KCTD16: variants seen among roughly 807,000 people sequenced by gnomAD.
KCTD16 encodes BTB/POZ domain-containing protein KCTD16.
Under a neutral mutation model 33.2 loss-of-function variants are expected in KCTD16, and 13 were observed. The observed-to-expected ratio is 0.39, with a 90% CI of 0.25 to 0.62. KCTD16 has a LOEUF of 0.62. Among genes scored for constraint, KCTD16 ranks in the 20% least tolerant of loss-of-function variants. The probability of loss-of-function intolerance (pLI) is 0.50; values close to 1 mark genes in which losing one functional copy is unlikely to be tolerated. For missense variants in KCTD16, 441 were observed against 525.1 expected (o/e 0.84, Z 1.57); for synonymous variants, 197 against 195.3 (o/e 1.01, Z -0.07).
chr5:144,392,672 C>G (rs1197530457), intron 3 of KCTD16, among the ~76,000 whole-genome samples: 1 of 152,150 alleles, frequency 6.6e-6, no homozygotes, highest in Non-Finnish European at 1.5e-5. Context: ...AATCCCTCAG[C>G]TCCTTTTAAG....
At chr5:144,342,724 A>T (rs1752679504) in intron 3 of KCTD16, among the ~76,000 whole-genome samples, 1 of 152,160 alleles carries the variant, frequency 6.6e-6, no homozygotes, top group African/African-American at 2.4e-5. Context: ...TTTGTCATAA[A>T]TAGCTCTTAT....
At chr5:144,386,933 T>C (rs934347781) in intron 3 of KCTD16, among the ~76,000 whole-genome samples, 1 of 152,074 alleles carries the variant, frequency 6.6e-6, no homozygotes, top group African/African-American at 2.4e-5. Context: ...CTCACCCAAC[T>C]AAAATAGCTT....
intron 2 of KCTD16, among the ~76,000 whole-genome samples, chr5:144,199,864 A>T (rs1282463157): frequency 1.3e-5 from 2 of 151,806 alleles, no homozygotes; most frequent in Non-Finnish European, 2.9e-5. Context: ...ACAAGTGCGT[A>T]CCATCACACC....
At chr5:144,448,859 A>G (rs1753880125) in intron 3 of KCTD16, among the ~76,000 whole-genome samples, 2 of 152,040 alleles carry the variant, frequency 1.3e-5, no homozygotes, top group Admixed American at 1.3e-4. Flanking sequence ...ATAGATAGCA[A>G]GTAATTCATC....
intron 2 of KCTD16, among the ~76,000 whole-genome samples, chr5:144,178,970 G>A (rs2126772199): frequency 1.3e-5 from 2 of 152,228 alleles, no homozygotes; most frequent in Middle Eastern, 6.8e-3. Context: ...AGGACAGCAC[G>A]TGCATCAGAA....
intron 3 of KCTD16, among the ~76,000 whole-genome samples, chr5:144,222,752 G>C (rs1753800665): frequency 6.6e-6 from 1 of 152,156 alleles, no homozygotes; most frequent in South Asian, 2.1e-4. Context: ...CAAATATCCA[G>C]AACTAGAAAT....
At chr5:144,189,495 CAAAA>C (rs5871868) in intron 2 of KCTD16, among the ~76,000 whole-genome samples, 2 of 120,568 alleles carry the variant, frequency 1.7e-5, no homozygotes, top group African/African-American at 2.9e-5. Context: ...GACTCCATCT[CAAAA>C]AAAAAAAAAA....
chr5:144,204,148 G>C (rs1165568412), intron 2 of KCTD16, among the ~76,000 whole-genome samples: 1 of 152,196 alleles, frequency 6.6e-6, no homozygotes, highest in African/African-American at 2.4e-5. Context: ...TCCTACTGTT[G>C]AGCGTATCTT....
At chr5:144,253,160 C>T (rs1345798045) in intron 3 of KCTD16, among the ~76,000 whole-genome samples, 1 of 152,098 alleles carries the variant, frequency 6.6e-6, no homozygotes, top group Non-Finnish European at 1.5e-5. Context: ...TATTTATCCC[C>T]AGGCCAACAT....
At chr5:144,297,457 G>T (rs1756072310) in intron 3 of KCTD16, among the ~76,000 whole-genome samples, 2 of 152,202 alleles carry the variant, frequency 1.3e-5, no homozygotes, top group South Asian at 4.1e-4. Flanking sequence ...ATAGTCCCAA[G>T]TTGGCTACAG....
rs961090215 is a variant in KCTD16, at chr5:144,437,052, C to T, written c.833-36608C>T. On this transcript the variant is annotated intron_variant, in intron 3 of 3. Coordinates refer to ENST00000512467, the MANE Select transcript of KCTD16 (RefSeq NM_020768.4). ...TTACTGAAAGGACATCAGGACTTCA[C>T]AGAAAACCAGGAAACTGTAGATTCG... Among the ~76,000 whole-genome samples the T allele has an allele frequency of 2.6e-5, 4 of 152,252 alleles. No individual in the cohort carries two copies. In the South Asian group the frequency reaches 6.2e-4, roughly 24 times the overall value.
At chr5:144,422,384 C>T (rs550717179) in intron 3 of KCTD16, among the ~76,000 whole-genome samples, 1 of 152,280 alleles carries the variant, frequency 6.6e-6, no homozygotes, top group East Asian at 1.9e-4. Flanking sequence ...AGAACATCCA[C>T]ATTTTAAAAA....
intron 3 of KCTD16, among the ~76,000 whole-genome samples, chr5:144,410,176 G>A (rs905487179): frequency 6.6e-6 from 1 of 152,192 alleles, no homozygotes; most frequent in African/African-American, 2.4e-5. Context: ...TGCTGTGCAT[G>A]GGCTCTGGCA....
At chr5:144,407,195 AT>A (rs941272869) in intron 3 of KCTD16, among the ~76,000 whole-genome samples, 4 of 113,080 alleles carry the variant, frequency 3.5e-5, no homozygotes, top group African/African-American at 1.5e-4. Flanking sequence ...TTTTAAAAAA[AT>A]TCCTGTTTTT....
intron 3 of KCTD16, among the ~76,000 whole-genome samples, chr5:144,461,503 T>C (rs932556983): frequency 3.3e-5 from 5 of 152,228 alleles, no homozygotes; most frequent in African/African-American, 1.2e-4. Flanking sequence ...ATCTGGCTTC[T>C]TCTTTCCATT....
chr5:144,461,327 A>T (rs768072402), intron 3 of KCTD16, among the ~76,000 whole-genome samples: 2 of 151,940 alleles, frequency 1.3e-5, no homozygotes, highest in Admixed American at 6.6e-5. Flanking sequence ...TCATCTTCCC[A>T]TACCCCCACT....
chr5:144,316,508 C>CT (rs398050808), intron 3 of KCTD16, among the ~76,000 whole-genome samples: 28,150 of 119,928 alleles, frequency 0.23, 3,869 homozygotes, highest in Non-Finnish European at 0.27. Flanking sequence ...TGTTTTTTGT[C>CT]TTTTTTTTTT....
At chr5:144,313,250 G>C (rs1006786896) in intron 3 of KCTD16, among the ~76,000 whole-genome samples, 2 of 152,096 alleles carry the variant, frequency 1.3e-5, no homozygotes, top group African/African-American at 4.8e-5. Flanking sequence ...AGTTAAAAAA[G>C]CACACTAGCA....
chr5:144,308,968 G>A (rs144447194), intron 3 of KCTD16, among the ~76,000 whole-genome samples: 16 of 152,072 alleles, frequency 1.1e-4, no homozygotes, highest in South Asian at 4.2e-4. Context: ...TTTTATAGAA[G>A]AGAAGACTGA....
Sources: gnomAD v4.1 joint callset for allele counts (sites outside exome capture counted in the v4.1 genomes callset) on GRCh38, gnomAD v4.1.1 for gene constraint, MANE v1.5 for transcripts, NCBI Gene and HGNC (gene_info 2026-07-23, HGNC 2026-07-21) for gene names.